The following CTNNA3 variants were observed in gnomAD, a reference collection of about 807,000 sequenced individuals.
CTNNA3 encodes the protein catenin alpha-3.
CTNNA3 carries 76 observed loss-of-function variants against 95.7 expected under a neutral mutation model. The observed-to-expected ratio is 0.79, with a 90% CI of 0.66 to 0.96. CTNNA3 has a LOEUF of 0.96. Among genes scored for constraint, CTNNA3 ranks in the 40% least tolerant of loss-of-function variants. The probability of loss-of-function intolerance (pLI) is 0.00; values close to 1 mark genes in which losing one functional copy is unlikely to be tolerated. For missense variants in CTNNA3, 1,191 were observed against 1,089.8 expected, an observed-to-expected ratio of 1.09 and a Z score of -1.31; for synonymous variants, 431 against 374.4, an observed-to-expected ratio of 1.15 and a Z score of -1.74.
At chr10:66,685,219 G>GTA (rs1407989610) in intron 9 of CTNNA3, among the ~76,000 whole-genome samples, 9 of 132,008 alleles carry the variant, frequency 6.8e-5, no homozygotes, top group Admixed American at 5.7e-4. Flanking sequence ...ATATATATGT[G>GTA]TATATATATA....
chr10:67,103,533 T>C (rs1438508767), intron 7 of CTNNA3, among the ~76,000 whole-genome samples: 1 of 151,802 alleles, frequency 6.6e-6, no homozygotes, highest in African/African-American at 2.4e-5. Context: ...CTCTCATTTT[T>C]AAATCATTTT....
intron 12 of CTNNA3, among the ~76,000 whole-genome samples, chr10:66,301,028 T>A (rs2091854823): frequency 6.6e-6 from 1 of 151,754 alleles, no homozygotes; most frequent in Non-Finnish European, 1.5e-5. Flanking sequence ...AAAAAGATAA[T>A]AACAAAATAC....
chr10:66,004,540 C>T (rs2078840637), intron 15 of CTNNA3, among the ~76,000 whole-genome samples: 1 of 152,064 alleles, frequency 6.6e-6, no homozygotes, highest in Non-Finnish European at 1.5e-5. Context: ...TCCCTAGAAC[C>T]AACAAAAGTA....
In CTNNA3 at chr10:66,273,688, C is replaced by T. The variant is rs554406945; in HGVS notation, c.1884+6782G>A. 3.4e-4 allele frequency among the ~76,000 whole-genome samples: 52 copies of T among 152,200 alleles called. 1 individual carries two copies. The highest frequency in any genetic ancestry group is 1.2e-3 in the African/African-American group (49 of 41,524). ...AAGGAATGTAAAAACTCCCTTGCAA[C>T]CTTTGGAGAAGGGTGGGTTCTGGTA... On this transcript the variant is annotated intron_variant, in intron 13 of 17. Coordinates refer to ENST00000433211, the MANE Select transcript of CTNNA3 (RefSeq NM_013266.4).
intron 5 of CTNNA3, among the ~76,000 whole-genome samples, chr10:67,249,953 CA>C (rs1866042938): frequency 6.6e-6 from 1 of 152,192 alleles, no homozygotes; most frequent in Non-Finnish European, 1.5e-5. Flanking sequence ...AGCTAGGTAC[CA>C]ACATTGGATG....
intron 11 of CTNNA3, among the ~76,000 whole-genome samples, chr10:66,429,625 C>A (rs1359004905): frequency 1.3e-5 from 2 of 152,116 alleles, no homozygotes; most frequent in East Asian, 1.9e-4. Flanking sequence ...TGTAATCCAG[C>A]ACATAAACAG....
rs1847499561 is a variant in CTNNA3 at position 66,690,830 on chromosome 10, A to G, written c.1282-69046T>C. ...CAGCATGATTTATAGTCCTTTGGGT[A>G]TGTACCCAGTAATGGGATGGCTGGG... On this transcript the variant is annotated intron_variant, in intron 9 of 17. Coordinates refer to ENST00000433211, the MANE Select transcript of CTNNA3 (RefSeq NM_013266.4). 2.0e-5 allele frequency among the ~76,000 whole-genome samples: 3 copies of G among 152,170 alleles called. No homozygotes were observed. The South Asian group carries it at 6.2e-4, about 32-fold the overall frequency.
At chr10:66,035,884 AG>A in intron 15 of CTNNA3, among the ~76,000 whole-genome samples, 1 of 152,292 alleles carries the variant, frequency 6.6e-6, no homozygotes, top group East Asian at 1.9e-4. Context: ...TATCAACAGA[AG>A]TTTTCTAAGG....
intron 16 of CTNNA3, among the ~76,000 whole-genome samples, chr10:65,968,129 C>T (rs972200357): frequency 6.6e-6 from 1 of 152,100 alleles, no homozygotes; most frequent in African/African-American, 2.4e-5. Flanking sequence ...GTGGCTCATG[C>T]CTATAATCCC....
chr10:67,139,203 G>T (rs1036266579), intron 7 of CTNNA3, among the ~76,000 whole-genome samples: 36 of 152,022 alleles, frequency 2.4e-4, no homozygotes, highest in African/African-American at 8.2e-4. Context: ...TGTGATCTCA[G>T]CTCACTGCAA....
intron 7 of CTNNA3, among the ~76,000 whole-genome samples, chr10:67,134,727 A>G (rs10997525): frequency 0.23 from 34,766 of 152,070 alleles, 4,899 homozygotes; most frequent in African/African-American, 0.39. Context: ...TGATAGGACA[A>G]ATTAAAAGCA....
intron 7 of CTNNA3, among the ~76,000 whole-genome samples, chr10:67,032,723 T>C (rs1405428816): frequency 6.6e-6 from 1 of 152,208 alleles, no homozygotes. Flanking sequence ...ATATCCTGTG[T>C]AAAAGAAGCC....
intron 5 of CTNNA3, among the ~76,000 whole-genome samples, chr10:67,235,964 T>C (rs1383633852): frequency 1.4e-5 from 2 of 147,268 alleles, no homozygotes; most frequent in Admixed American, 6.7e-5. Context: ...CAATGAGATA[T>C]CATCTCACAC....
intron 10 of CTNNA3, among the ~76,000 whole-genome samples, chr10:66,536,887 T>C (rs1255939813): frequency 6.6e-6 from 1 of 152,170 alleles, no homozygotes; most frequent in African/African-American, 2.4e-5. Context: ...TCTTCTATTA[T>C]ACAACTGGGT....
intron 17 of CTNNA3, among the ~76,000 whole-genome samples, chr10:65,953,697 C>A (rs554391079): frequency 6.6e-6 from 1 of 152,248 alleles, no homozygotes; most frequent in African/African-American, 2.4e-5. Flanking sequence ...CATCCATGTC[C>A]CTACAAAGGT....
chr10:66,436,814 A>T (rs947634639), intron 11 of CTNNA3, among the ~76,000 whole-genome samples: 1 of 152,048 alleles, frequency 6.6e-6, no homozygotes, highest in Non-Finnish European at 1.5e-5. Context: ...ATGTTTTTGC[A>T]GTGGCTGGTA....
intron 15 of CTNNA3, among the ~76,000 whole-genome samples, chr10:66,017,268 T>A (rs771801767): frequency 6.6e-6 from 1 of 152,176 alleles, no homozygotes; most frequent in Non-Finnish European, 1.5e-5. Flanking sequence ...TTATTAATCC[T>A]ATGAAGTCAG....
intron 7 of CTNNA3, among the ~76,000 whole-genome samples, chr10:66,872,289 T>G (rs1405103748): frequency 2.6e-5 from 4 of 152,348 alleles, no homozygotes; most frequent in African/African-American, 7.2e-5. Context: ...GGTTAAAAAC[T>G]TTCTTAATTT....
At chr10:67,278,243 A>T (rs1242843016) in intron 5 of CTNNA3, among the ~76,000 whole-genome samples, 2 of 152,192 alleles carry the variant, frequency 1.3e-5, no homozygotes, top group African/African-American at 4.8e-5. Context: ...CAAACTCTGT[A>T]AAATATTTTA....
Sources: allele counts gnomAD v4.1 joint callset (sites outside exome capture counted in the v4.1 genomes callset), GRCh38; gene constraint gnomAD v4.1.1; transcripts MANE v1.5; gene names NCBI Gene and HGNC (gene_info 2026-07-23, HGNC 2026-07-21).